Variants in EIF4E3 observed in about 807,000 individuals in gnomAD.
The protein encoded by EIF4E3 is eukaryotic translation initiation factor 4E type 3.
EIF4E3 carries 26 observed loss-of-function variants against 31.7 expected under a neutral mutation model. That is an observed-to-expected ratio of 0.82 (90% CI 0.60 to 1.14). EIF4E3 has a LOEUF of 1.14. Ranked by LOEUF, EIF4E3 falls within the 50% of genes most tolerant of loss-of-function variation. The probability of loss-of-function intolerance (pLI) is 0.00; values close to 1 mark genes in which losing one functional copy is unlikely to be tolerated. For missense variants in EIF4E3, 304 were observed against 270.9 expected, an observed-to-expected ratio of 1.12 and a Z score of -0.86; for synonymous variants, 128 against 107.7, an observed-to-expected ratio of 1.19 and a Z score of -1.17.
intron 1 of EIF4E3, among the ~76,000 whole-genome samples, chr3:71,742,414 A>G (rs974713749): frequency 1.3e-5 from 2 of 152,158 alleles, no homozygotes; most frequent in Admixed American, 6.5e-5. Flanking sequence ...CTTTAAAGAC[A>G]TAAACCACCA....
At chr3:71,719,972 C>T (rs1413718983) in intron 1 of EIF4E3, among the ~76,000 whole-genome samples, 1 of 151,924 alleles carries the variant, frequency 6.6e-6, no homozygotes, top group Non-Finnish European at 1.5e-5. Flanking sequence ...CATGACTGCG[C>T]CACTGCACTC....
At chr3:71,754,609 T>G (rs2049982463), upstream of EIF4E3, 1 of 1,441,306 alleles carries the variant, frequency 6.9e-7, no homozygotes, top group Admixed American at 2.5e-5. This position sits in a 1 kb window ranked among gnomAD's most constrained non-coding sequence, Gnocchi z 5.8. Context: ...CTGGGCTTCC[T>G]GCTGCTGCTG....
At chr3:71,748,645 G>A (rs1173998896) in intron 1 of EIF4E3, among the ~76,000 whole-genome samples, 5 of 152,082 alleles carry the variant, frequency 3.3e-5, no homozygotes, top group Non-Finnish European at 5.9e-5. Context: ...ACCAAACCAC[G>A]ATGGCTTGGA....
intron 1 of EIF4E3, among the ~76,000 whole-genome samples, chr3:71,711,794 T>A (rs561466138): frequency 1.3e-5 from 2 of 152,244 alleles, no homozygotes; most frequent in East Asian, 3.9e-4. Context: ...ATGGCCAACA[T>A]GGTGAAAACC....
At chr3:71,702,426 T>C (rs1424823037) in intron 2 of EIF4E3, among the ~76,000 whole-genome samples, 3 of 152,188 alleles carry the variant, frequency 2.0e-5, no homozygotes, top group African/African-American at 7.2e-5. Flanking sequence ...AGTTGTCAAA[T>C]CTTGACTTTT....
chr3:71,717,126 C>T (rs1351647596), intron 1 of EIF4E3, among the ~76,000 whole-genome samples: 1 of 152,182 alleles, frequency 6.6e-6, no homozygotes, highest in Non-Finnish European at 1.5e-5. Flanking sequence ...ACGGTTTCTT[C>T]GAACCCTGCT....
the EIF4E3 span, among the ~76,000 whole-genome samples, chr3:71,666,387 A>G: frequency 2.6e-5 from 4 of 152,232 alleles, no homozygotes; most frequent in African/African-American, 9.6e-5. Context: ...TCCCAAGACT[A>G]AATCAGGAAG....
At chr3:71,732,819 T>A (rs1238250611) in intron 1 of EIF4E3, among the ~76,000 whole-genome samples, 3 of 152,244 alleles carry the variant, frequency 2.0e-5, no homozygotes, top group Non-Finnish European at 4.4e-5. Flanking sequence ...CTTGAGCCAA[T>A]GTCTAACAGC....
intron 1 of EIF4E3, among the ~76,000 whole-genome samples, chr3:71,736,135 C>T (rs1028767631): frequency 9.9e-5 from 15 of 152,106 alleles, no homozygotes; most frequent in African/African-American, 3.6e-4. Flanking sequence ...GTCTAAATCC[C>T]GAAACGTTGG....
chr3:71,733,270 T>G (rs2049726434), intron 1 of EIF4E3, among the ~76,000 whole-genome samples: 1 of 152,194 alleles, frequency 6.6e-6, no homozygotes, highest in Non-Finnish European at 1.5e-5. Context: ...CTTGGAGGCC[T>G]CTAATCCCCA....
chr3:71,719,084 C>A (rs2049506741), intron 1 of EIF4E3, among the ~76,000 whole-genome samples: 1 of 152,204 alleles, frequency 6.6e-6, no homozygotes, highest in South Asian at 2.1e-4. Context: ...ATGGAACACA[C>A]CATTGGAATG....
chr3:71,701,958 C>T (rs1277684728), intron 2 of EIF4E3, among the ~76,000 whole-genome samples: 1 of 152,120 alleles, frequency 6.6e-6, no homozygotes, highest in African/African-American at 2.4e-5. Flanking sequence ...AAATGCTTTG[C>T]TATTTGTACA....
chr3:71,711,247 C>T (rs373964384), intron 1 of EIF4E3, among the ~76,000 whole-genome samples: 1 of 152,206 alleles, frequency 6.6e-6, no homozygotes, highest in Admixed American at 6.5e-5. Context: ...CAATTCCTGC[C>T]ACCTTTTCTT....
intron 2 of EIF4E3, among the ~76,000 whole-genome samples, chr3:71,705,602 C>T (rs908383654): frequency 1.3e-5 from 2 of 152,056 alleles, no homozygotes; most frequent in Middle Eastern, 3.2e-3. Context: ...ATCTTTAAGG[C>T]GATACACCAA....
At chr3:71,752,473 T>C (rs1162897715) in intron 1 of EIF4E3, among the ~76,000 whole-genome samples, 3 of 152,116 alleles carry the variant, frequency 2.0e-5, no homozygotes, top group Non-Finnish European at 4.4e-5. Flanking sequence ...CCCTCTATGA[T>C]CTTGCACTAT....
intron 3 of EIF4E3, among the ~76,000 whole-genome samples, chr3:71,696,975 C>A (rs1488410052): frequency 2.0e-5 from 3 of 151,400 alleles, no homozygotes; most frequent in Non-Finnish European, 4.4e-5. Context: ...GTCTCGGCCT[C>A]CCAAAGCGCT....
Position 71,731,498 on chromosome 3 carries a change from T to C in EIF4E3, c.-290-2875A>G, listed in dbSNP as rs116468649. Among the ~76,000 whole-genome samples, 748 of 152,282 alleles carry C rather than the reference T, an allele frequency of 4.9e-3. 8 individuals are homozygous for C. Among genetic ancestry groups the C allele is most frequent in the African/African-American group, 0.017 (719 of 41,552 alleles). ...AGCTGCACACATCAACTGCCGATCTTCCGAAACAGAATATCCAGTCCAAGT... is the reference window on the plus strand; with the variant it reads ...AGCTGCACACATCAACTGCCGATCTCCCGAAACAGAATATCCAGTCCAAGT... On this transcript the variant is annotated intron_variant, in intron 1 of 7. Transcript: ENST00000295612.
At chr3:71,672,431 A>T (rs894941867), downstream of EIF4E3, among the ~76,000 whole-genome samples, 1 of 152,222 alleles carries the variant, frequency 6.6e-6, no homozygotes, top group South Asian at 2.1e-4. Flanking sequence ...ATGTGTTTTA[A>T]TAAGGCCTTT....
chr3:71,700,612 T>TAAA (rs377334249), intron 2 of EIF4E3, among the ~76,000 whole-genome samples: 93 of 127,334 alleles, frequency 7.3e-4, no homozygotes, highest in East Asian at 2.6e-3. Flanking sequence ...AGACTCCGTT[T>TAAA]AAAAAAAAAA....
Sources: allele counts gnomAD v4.1 joint callset (sites outside exome capture counted in the v4.1 genomes callset), GRCh38; gene constraint gnomAD v4.1.1; non-coding constraint Gnocchi (gnomAD v3.1); transcripts MANE v1.5; gene names NCBI Gene and HGNC (gene_info 2026-07-23, HGNC 2026-07-21).